Variants in PSPC1 observed in about 807,000 individuals in gnomAD.
PSPC1 encodes paraspeckle component 1.
Under a neutral mutation model 51.6 loss-of-function variants are expected in PSPC1, and 14 were observed. The ratio of observed to expected loss-of-function variants is 0.27; its 90% confidence interval spans 0.18 to 0.42. The LOEUF is 0.42. Among genes scored for constraint, PSPC1 ranks in the 10% least tolerant of loss-of-function variants. The pLI is 1.00. For synonymous variants in PSPC1, 193 were observed against 231.9 expected, an observed-to-expected ratio of 0.83 and a Z score of 1.53; for missense variants, 406 against 701.1, an observed-to-expected ratio of 0.58 and a Z score of 4.75.
intron 7 of PSPC1, chr13:19,675,918 A>G (rs1185765130): frequency 6.6e-6 from 1 of 152,208 alleles, no homozygotes; most frequent in African/African-American, 2.4e-5. Context: ...CTTTCTTTAC[A>G]TGTTTCTGGA....
rs1887187858 is a variant in PSPC1 at position 19,757,345 on chromosome 13, T to C, written c.770+1978A>G. On this transcript the variant is annotated intron_variant, in intron 3 of 8. Coordinates refer to ENST00000338910, the MANE Select transcript of PSPC1 (RefSeq NM_001354909.2). ...CAGTTCCAGGCAAAGACACCACCCC[T>C]AGCCATCAAGAAACTACCCTGCCTC... Among the ~76,000 whole-genome samples, 5 of 152,126 alleles carry C rather than the reference T, an allele frequency of 3.3e-5. No individual in the cohort carries two copies. In the South Asian group the frequency reaches 1.0e-3, roughly 32 times the overall value.
intron 1 of PSPC1, among the ~76,000 whole-genome samples, chr13:19,774,810 A>AT (rs1464163829): frequency 5.4e-5 from 8 of 148,774 alleles, no homozygotes; most frequent in Non-Finnish European, 9.0e-5. Flanking sequence ...GTGTCCAAAA[A>AT]AAAAAAAACA....
chr13:19,749,928 T>C (rs1246151421), intron 4 of PSPC1, among the ~76,000 whole-genome samples: 3 of 152,220 alleles, frequency 2.0e-5, no homozygotes, highest in South Asian at 2.1e-4. Context: ...TATGGTTTGC[T>C]GGGCTCGATT....
intron 6 of PSPC1, among the ~76,000 whole-genome samples, chr13:19,690,607 C>G (rs7994683): frequency 0.67 from 101,995 of 152,076 alleles, 36,709 homozygotes; most frequent in East Asian, 0.89. Flanking sequence ...CTTCTTACTG[C>G]TTGGGGTTCC....
At position 19,711,206 on chromosome 13, in the gene PSPC1, C is replaced by T. The variant is rs183738400; in HGVS notation, c.1159-1607G>A. On this transcript the variant is annotated intron_variant, in intron 6 of 8. Transcript: ENST00000338910. ...TAAAATTTGTGACCATTAATGGATA[C>T]TATTGCTGACCTGCAAAAAAAGCTA... 1.8e-4 allele frequency among the ~76,000 whole-genome samples: 28 copies of T among 152,268 alleles called. 1 individual carries two copies. Among genetic ancestry groups the T allele is most frequent in the Admixed American group, 1.7e-3 (26 of 15,306 alleles).
chr13:19,716,770 ATATT>A (rs1458758915), intron 6 of PSPC1, among the ~76,000 whole-genome samples: 2 of 152,226 alleles, frequency 1.3e-5, no homozygotes, highest in Non-Finnish European at 2.9e-5. Context: ...AAAAAAAACT[ATATT>A]TAGCAATTGA....
chr13:19,695,697 G>A (rs1879126558), intron 6 of PSPC1, among the ~76,000 whole-genome samples: 2 of 152,118 alleles, frequency 1.3e-5, no homozygotes, highest in South Asian at 2.1e-4. Flanking sequence ...AAAAACTCAA[G>A]GCAGGTCCCT....
chr13:19,687,664 T>C lies in PSPC1; in HGVS notation c.1159-9841A>G, dbSNP rs1044490366. ...TCACCCTTGCCTTCTTTCTTCCACA[T>C]AAATCCCAGTCGTGACCATATCATA... On this transcript the variant is annotated intron_variant and NMD_transcript_variant, in intron 6 of 7. Coordinates refer to the PSPC1 transcript ENST00000471658. Among the ~76,000 whole-genome samples the C allele has an allele frequency of 3.5e-3, 13 of 3,676 alleles. No homozygotes were observed. The Admixed American group carries it at 0.07, about 20-fold the overall frequency. The allele number at this position is 3,676 out of a possible 152,430, so 2.4% of individuals were successfully genotyped here.
At chr13:19,749,637 CTTTT>C (rs59422281) in intron 4 of PSPC1, among the ~76,000 whole-genome samples, 1 of 138,320 alleles carries the variant, frequency 7.2e-6, no homozygotes, top group Non-Finnish European at 1.5e-5. Context: ...GACAGTTTAT[CTTTT>C]TTTTTTTTTT....
At chr13:19,739,306 G>GAAA (rs1885173550) in intron 5 of PSPC1, among the ~76,000 whole-genome samples, 1 of 151,940 alleles carries the variant, frequency 6.6e-6, no homozygotes, top group Non-Finnish European at 1.5e-5. Context: ...CATATTGTTT[G>GAAA]GTTTTAATGA....
intron 6 of PSPC1, among the ~76,000 whole-genome samples, chr13:19,681,102 C>T (rs1449766774): frequency 6.6e-6 from 1 of 152,030 alleles, no homozygotes; most frequent in Non-Finnish European, 1.5e-5. Context: ...GTCGTCCTGG[C>T]TACTTGGGAG....
chr13:19,761,819 T>C (rs933559928), intron 2 of PSPC1, among the ~76,000 whole-genome samples: 7 of 151,976 alleles, frequency 4.6e-5, no homozygotes, highest in Non-Finnish European at 7.4e-5. Context: ...GCCACAAACA[T>C]AGAACAGTAA....
intron 3 of PSPC1, among the ~76,000 whole-genome samples, chr13:19,755,638 T>C (rs1173875525): frequency 1.3e-5 from 2 of 151,802 alleles, no homozygotes; most frequent in Non-Finnish European, 2.9e-5. Flanking sequence ...CTAATGCTAA[T>C]GCTTCCTCCC....
intron 2 of PSPC1, among the ~76,000 whole-genome samples, chr13:19,770,898 A>G (rs1888560025): frequency 6.7e-6 from 1 of 150,108 alleles, no homozygotes; most frequent in South Asian, 2.1e-4. Flanking sequence ...CTCGTCTCCA[A>G]AAAAAAAAAC....
At chr13:19,758,967 T>C (rs1887356534) in intron 3 of PSPC1, among the ~76,000 whole-genome samples, 1 of 151,604 alleles carries the variant, frequency 6.6e-6, no homozygotes, top group Admixed American at 6.6e-5. Context: ...TAAAAAAAAT[T>C]AGTATGTTTT....
At chr13:19,738,494 T>G (rs577578364) in intron 5 of PSPC1, among the ~76,000 whole-genome samples, 1 of 152,326 alleles carries the variant, frequency 6.6e-6, no homozygotes, top group African/African-American at 2.4e-5. Flanking sequence ...CAGCACTGTT[T>G]ACAGAGAACG....
At chr13:19,746,014 T>TG in intron 4 of PSPC1, among the ~76,000 whole-genome samples, 1 of 150,344 alleles carries the variant, frequency 6.7e-6, no homozygotes, top group African/African-American at 2.4e-5. Context: ...TTTTTGTTTT[T>TG]TTTTTTTTTT....
intron 4 of PSPC1, among the ~76,000 whole-genome samples, chr13:19,741,870 G>A (rs1411518532): frequency 6.6e-6 from 1 of 152,168 alleles, no homozygotes; most frequent in African/African-American, 2.4e-5. Flanking sequence ...GGTGGCCCAC[G>A]CCTACAATCC....
intron 3 of PSPC1, among the ~76,000 whole-genome samples, chr13:19,758,529 AT>A (rs1348118991): frequency 1.3e-5 from 2 of 151,978 alleles, no homozygotes; most frequent in Non-Finnish European, 2.9e-5. Flanking sequence ...GAAGCACAAA[AT>A]AAAACTTAAG....
Sources: allele counts gnomAD v4.1 joint callset (sites outside exome capture counted in the v4.1 genomes callset), GRCh38; gene constraint gnomAD v4.1.1; transcripts MANE v1.5; gene names NCBI Gene and HGNC (gene_info 2026-07-23, HGNC 2026-07-21).